LRMDA: variants seen among roughly 807,000 people sequenced by gnomAD.
LRMDA encodes leucine-rich melanocyte differentiation-associated protein.
In LRMDA, 18 loss-of-function variants were observed where a neutral mutation model predicts 29.8. The ratio of observed to expected loss-of-function variants is 0.60; its 90% CI spans 0.42 to 0.90. The LOEUF (loss-of-function observed/expected upper bound fraction) is 0.90. LRMDA is among the 40% of genes least tolerant of loss of function. The pLI is 0.00. For missense variants in LRMDA, 273 were observed against 273.9 expected, an observed-to-expected ratio of 1.00 and a Z score of 0.02; for synonymous variants, 125 against 109.4, an observed-to-expected ratio of 1.14 and a Z score of -0.89.
chr10:75,434,015 T>C (rs1844236963), intron 1 of LRMDA, among the ~76,000 whole-genome samples: 1 of 152,244 alleles, frequency 6.6e-6, no homozygotes. Context: ...ATTGCTTTTC[T>C]CTGCAAAAGG....
chr10:75,649,047 AC>A (rs1479825691), intron 2 of LRMDA, among the ~76,000 whole-genome samples: 4 of 152,172 alleles, frequency 2.6e-5, no homozygotes, highest in African/African-American at 4.8e-5. Context: ...AATCATCAGC[AC>A]CATCCATCTG....
chr10:76,175,124 A>G (rs1445193671), intron 5 of LRMDA, among the ~76,000 whole-genome samples: 1 of 152,050 alleles, frequency 6.6e-6, no homozygotes, highest in Admixed American at 6.6e-5. Context: ...TTCATCTCCA[A>G]AAAAAAAGAA....
rs1564576860 is a variant in LRMDA, at chr10:76,559,199, T to TA, written c.*1917dup. 1 of 152,126 alleles carries TA rather than the reference T, an allele frequency of 6.6e-6. No individual in the cohort carries two copies. Among genetic ancestry groups the TA allele is most frequent in the Non-Finnish European group, 1.5e-5 (1 of 68,024 alleles). 9.4% of individuals were successfully genotyped at this position (152,126 alleles called of 1,614,324 possible). On this transcript the variant is annotated 3_prime_UTR_variant, in exon 7 of 7. Coordinates refer to ENST00000611255, the MANE Select transcript of LRMDA (RefSeq NM_001305581.2). Reference sequence around the variant, plus strand: ...AAGGCTTTAACCCTGCCTCAAACAATAAAAAAGCACTTGTGAACTGACCAC... The same window carrying TA: ...AAGGCTTTAACCCTGCCTCAAACAATAAAAAAAGCACTTGTGAACTGACCAC...
At chr10:76,276,115 TTCTG>T (rs1840131737) in intron 5 of LRMDA, among the ~76,000 whole-genome samples, 2 of 151,822 alleles carry the variant, frequency 1.3e-5, no homozygotes, top group African/African-American at 4.8e-5. Context: ...CTTTTGTTCA[TTCTG>T]TCTTTCTTTC....
At chr10:75,646,686 A>G (rs1208789119) in intron 2 of LRMDA, among the ~76,000 whole-genome samples, 2 of 152,216 alleles carry the variant, frequency 1.3e-5, no homozygotes. Flanking sequence ...AACAAATGCT[A>G]GAACATGCTA....
At chr10:75,545,622 C>A (rs941090574) in intron 2 of LRMDA, among the ~76,000 whole-genome samples, 1 of 152,082 alleles carries the variant, frequency 6.6e-6, no homozygotes, top group Non-Finnish European at 1.5e-5. Context: ...TCTTGGAGAT[C>A]ATCTTACTAA....
At chr10:76,076,999 C>T (rs1589316316) in intron 5 of LRMDA, among the ~76,000 whole-genome samples, 1 of 152,176 alleles carries the variant, frequency 6.6e-6, no homozygotes, top group East Asian at 1.9e-4. Flanking sequence ...TTCTGAGAGT[C>T]AGGGACATGG....
intron 5 of LRMDA, among the ~76,000 whole-genome samples, chr10:76,216,211 C>G (rs538855440): frequency 2.0e-5 from 3 of 152,276 alleles, no homozygotes; most frequent in African/African-American, 7.2e-5. Flanking sequence ...ATAAAAATAG[C>G]TGGACATGGT....
At chr10:75,485,365 T>C (rs1227922939) in intron 2 of LRMDA, among the ~76,000 whole-genome samples, 1 of 152,180 alleles carries the variant, frequency 6.6e-6, no homozygotes, top group Non-Finnish European at 1.5e-5. Flanking sequence ...TTGATTATTA[T>C]TTTAATGATG....
intron 5 of LRMDA, among the ~76,000 whole-genome samples, chr10:76,137,887 A>G (rs1410670268): frequency 6.6e-6 from 1 of 152,088 alleles, no homozygotes; most frequent in African/African-American, 2.4e-5. Context: ...GGGATCCATC[A>G]ACATCCCAGG....
chr10:76,446,815 C>G (rs929332415), intron 6 of LRMDA, among the ~76,000 whole-genome samples: 1 of 152,196 alleles, frequency 6.6e-6, no homozygotes, highest in Non-Finnish European at 1.5e-5. Flanking sequence ...CATGTTAATT[C>G]CACTCAGAGC....
At chr10:76,280,978 T>C (rs1840196200) in intron 5 of LRMDA, among the ~76,000 whole-genome samples, 1 of 152,152 alleles carries the variant, frequency 6.6e-6, no homozygotes, top group African/African-American at 2.4e-5. Flanking sequence ...ATCCCAGGGA[T>C]GAAAAGCTTT....
chr10:76,416,722 T>C (rs950920112), intron 6 of LRMDA, among the ~76,000 whole-genome samples: 4 of 152,236 alleles, frequency 2.6e-5, no homozygotes, highest in Middle Eastern at 3.2e-3. Context: ...CAAGTAGTCG[T>C]AATAATATCA....
At chr10:75,513,991 T>G (rs1344116980) in intron 2 of LRMDA, among the ~76,000 whole-genome samples, 1 of 152,170 alleles carries the variant, frequency 6.6e-6, no homozygotes, top group African/African-American at 2.4e-5. Context: ...ATATTTCTCC[T>G]CGTAGTTTTC....
intron 2 of LRMDA, among the ~76,000 whole-genome samples, chr10:75,533,994 C>T (rs988317188): frequency 3.9e-5 from 6 of 152,128 alleles, no homozygotes; most frequent in African/African-American, 4.8e-5. Context: ...GGGTAGCGTT[C>T]GGGGCAGGTG....
intron 6 of LRMDA, among the ~76,000 whole-genome samples, chr10:76,416,483 C>T (rs149552435): frequency 0.012 from 1,877 of 152,138 alleles, 27 homozygotes; most frequent in African/African-American, 0.043. Context: ...TGCCTTTTTT[C>T]CCAGGTTAGT....
At chr10:75,765,282 G>A (rs1263066786) in intron 2 of LRMDA, among the ~76,000 whole-genome samples, 1 of 151,770 alleles carries the variant, frequency 6.6e-6, no homozygotes, top group African/African-American at 2.4e-5. Context: ...AAGACTTGCA[G>A]CCCAGGTTAA....
chr10:76,490,853 T>C (rs549236458), intron 6 of LRMDA, among the ~76,000 whole-genome samples: 48 of 152,156 alleles, frequency 3.2e-4, no homozygotes, highest in African/African-American at 1.1e-3. Flanking sequence ...ATCTCTTCCT[T>C]CTTTCCTTCC....
At chr10:76,168,090 C>T (rs1850773226) in intron 5 of LRMDA, among the ~76,000 whole-genome samples, 1 of 152,092 alleles carries the variant, frequency 6.6e-6, no homozygotes, top group African/African-American at 2.4e-5. Context: ...TAGTTTTTGT[C>T]CTCAGGAATA....
Sources: allele counts gnomAD v4.1 joint callset (sites outside exome capture counted in the v4.1 genomes callset), GRCh38; gene constraint gnomAD v4.1.1; transcripts MANE v1.5; gene names NCBI Gene and HGNC (gene_info 2026-07-23, HGNC 2026-07-21).